Variants in CTNNA3 observed in about 807,000 individuals in gnomAD.
CTNNA3 encodes catenin alpha-3.
A neutral mutation model predicts 95.7 loss-of-function variants in CTNNA3; 76 were observed. The observed-to-expected ratio is 0.79, with a 90% CI of 0.66 to 0.96. The LOEUF (loss-of-function observed/expected upper bound fraction) is 0.96, where lower values mean the gene tolerates loss of function less well. Ranked by LOEUF, CTNNA3 falls within the 40% of genes least tolerant of loss-of-function variation. The pLI, the probability that CTNNA3 is intolerant of heterozygous loss-of-function variation, is 0.00. For synonymous variants in CTNNA3, 431 were observed against 374.4 expected (o/e 1.15, Z -1.74); for missense variants, 1,191 against 1,089.8 (o/e 1.09, Z -1.31).
intron 11 of CTNNA3, among the ~76,000 whole-genome samples, chr10:66,435,286 T>A (rs1321177752): frequency 6.6e-6 from 1 of 152,176 alleles, no homozygotes; most frequent in East Asian, 1.9e-4. Context: ...TGGGCTTTTT[T>A]TTGGTTGGTA....
At chr10:66,374,459 A>G (rs376249445) in intron 12 of CTNNA3, among the ~76,000 whole-genome samples, 1 of 152,266 alleles carries the variant, frequency 6.6e-6, no homozygotes, top group East Asian at 1.9e-4. Flanking sequence ...TAGAAGCTCA[A>G]TTCAAGAGAT....
chr10:66,928,586 C>A, intron 7 of CTNNA3: 1 of 772,614 alleles, frequency 1.3e-6, no homozygotes. Context: ...CTGGCAAGAT[C>A]CTTCCTTGTC....
intron 14 of CTNNA3, among the ~76,000 whole-genome samples, chr10:66,072,123 A>C (rs2080449806): frequency 6.6e-6 from 1 of 152,212 alleles, no homozygotes; most frequent in Admixed American, 6.6e-5. Flanking sequence ...TCTCTGTTCC[A>C]ATAACACCTT....
chr10:67,647,632 C>A, intron 1 of CTNNA3, 114 bp from the exon 2 acceptor site: 2 of 734,194 alleles, frequency 2.7e-6, no homozygotes, highest in South Asian at 1.8e-5. Flanking sequence ...TTCCTGATAT[C>A]AACCATAGCC....
Position 67,133,312 on chromosome 10 carries a change from T to TATATATATACAATAAA in CTNNA3, c.1047+47004_1047+47005insTTTATTGTATATATAT, listed in dbSNP as rs1350511471. Among the ~76,000 whole-genome samples the TATATATATACAATAAA allele has an allele frequency of 1.3e-4, 11 of 87,008 alleles. 1 individual carries two copies. Among genetic ancestry groups the TATATATATACAATAAA allele is most frequent in the African/African-American group, 6.9e-4 (11 of 15,878 alleles). 57.1% of individuals were successfully genotyped at this position (87,008 alleles called of 152,430 possible). On this transcript the variant is annotated intron_variant, in intron 7 of 17. Transcript: ENST00000433211. ...TAGCTAGAGCATATTGCCTGATATA[T>TATATATATACAATAAA]ATATATATATATTTATACACACACA...
At chr10:66,183,263 A>T (rs1487011746) in intron 13 of CTNNA3, among the ~76,000 whole-genome samples, 2 of 152,216 alleles carry the variant, frequency 1.3e-5, no homozygotes, top group Admixed American at 1.3e-4. Flanking sequence ...TTCAGTGGAC[A>T]CACCATGCCC....
chr10:67,582,703 T>C (rs1267676847), intron 3 of CTNNA3, among the ~76,000 whole-genome samples: 1 of 151,908 alleles, frequency 6.6e-6, no homozygotes, highest in Non-Finnish European at 1.5e-5. Context: ...TAAGTCTCTT[T>C]GTAGGTCTCT....
At chr10:67,597,826 G>C (rs1358704200) in intron 3 of CTNNA3, among the ~76,000 whole-genome samples, 3 of 152,176 alleles carry the variant, frequency 2.0e-5, no homozygotes, top group African/African-American at 7.2e-5. Flanking sequence ...TATAGGAAGA[G>C]GCTGCAGGTG....
intron 12 of CTNNA3, among the ~76,000 whole-genome samples, chr10:66,342,530 T>C (rs973274902): frequency 1.3e-5 from 2 of 152,088 alleles, no homozygotes; most frequent in Admixed American, 1.3e-4. Flanking sequence ...ATCTTCTACA[T>C]AGTCAATAAG....
chr10:66,346,246 T>TAGAGAGAGAGAG (rs371257440), intron 12 of CTNNA3, among the ~76,000 whole-genome samples: 5 of 27,782 alleles, frequency 1.8e-4, no homozygotes, highest in Non-Finnish European at 3.0e-4. Context: ...TATATATATA[T>TAGAGAGAGAGAG]AGAGAGAGAG....
rs201632419 is a variant in CTNNA3 at position 66,276,823 on chromosome 10, A to ATTGT, written c.1884+3643_1884+3646dup. Among the ~76,000 whole-genome samples, 862 of 147,338 alleles carry ATTGT rather than the reference A, an allele frequency of 5.9e-3. 10 individuals carry two copies. The highest frequency in any genetic ancestry group is 0.021 in the African/African-American group (832 of 39,792). On this transcript the variant is annotated intron_variant, in intron 13 of 17. Coordinates refer to ENST00000433211, the MANE Select transcript of CTNNA3 (RefSeq NM_013266.4). ...AGTAGCTATCTTCTTATTATAGCCT[A>ATTGT]TTGTTTATTAAGCATTTCATTTCTA...
intron 11 of CTNNA3, among the ~76,000 whole-genome samples, chr10:66,481,513 C>T (rs1163197495): frequency 3.4e-5 from 4 of 118,552 alleles, no homozygotes; most frequent in Non-Finnish European, 6.3e-5. Flanking sequence ...GCTCTGTCGC[C>T]CAGGCTGGAC....
rs544157939 is a variant in CTNNA3, at chr10:67,432,826, G to A, written c.579+89016C>T. ...GGGTCACCATTCAGCCCATGACAAC[G>A]ATCATGAGAGATATAGTTTTTCTTT... On this transcript the variant is annotated intron_variant, in intron 5 of 17. Coordinates refer to ENST00000433211, the MANE Select transcript of CTNNA3 (RefSeq NM_013266.4). Among the ~76,000 whole-genome samples the A allele has an allele frequency of 1.2e-4, 19 of 152,082 alleles. No individual in the cohort carries two copies. The South Asian group carries it at 3.5e-3, about 28-fold the overall frequency.
intron 7 of CTNNA3, among the ~76,000 whole-genome samples, chr10:66,885,504 C>G (rs752638808): frequency 3.3e-5 from 5 of 152,090 alleles, no homozygotes; most frequent in Non-Finnish European, 7.4e-5. Context: ...TGTCCAGATT[C>G]AGAACTCAAG....
chr10:67,194,664 G>A (rs1419327206), intron 6 of CTNNA3, among the ~76,000 whole-genome samples: 1 of 151,824 alleles, frequency 6.6e-6, no homozygotes, highest in African/African-American at 2.4e-5. Context: ...ATTTTTCCAA[G>A]CCCACAGAAC....
At chr10:66,545,497 G>A (rs545342135) in intron 10 of CTNNA3, among the ~76,000 whole-genome samples, 1 of 152,122 alleles carries the variant, frequency 6.6e-6, no homozygotes, top group Non-Finnish European at 1.5e-5. Flanking sequence ...AATTAATGCT[G>A]CTATTAATAT....
chr10:66,441,919 T>G (rs2093377995), intron 11 of CTNNA3, among the ~76,000 whole-genome samples: 1 of 152,212 alleles, frequency 6.6e-6, no homozygotes, highest in Non-Finnish European at 1.5e-5. Context: ...CAGTGCTATC[T>G]AAAATAGAAA....
At chr10:65,971,334 G>C (rs965479054) in intron 16 of CTNNA3, among the ~76,000 whole-genome samples, 20 of 146,758 alleles carry the variant, frequency 1.4e-4, no homozygotes, top group African/African-American at 5.0e-4. Flanking sequence ...GAAAGAATTT[G>C]AGACCTAAAA....
rs775638559 is a variant in CTNNA3, at chr10:66,379,136, T to G, written c.1732+16A>C. 8.1e-6 allele frequency: 13 copies of G among 1,595,202 alleles called. No individual in the cohort carries two copies. In the Admixed American group the frequency reaches 2.2e-4, roughly 27 times the overall value. On this transcript the variant is annotated intron_variant, in intron 12 of 17. Coordinates refer to ENST00000433211, the MANE Select transcript of CTNNA3 (RefSeq NM_013266.4). The stretch of plus-strand genomic sequence containing the variant: ...AATAAGAGAAATTGTGCAGCTGTTA[T>G]TGGCAACTGACTTACCAGTACTTGT...
Sources: gnomAD v4.1 joint callset for allele counts (sites outside exome capture counted in the v4.1 genomes callset) on GRCh38, gnomAD v4.1.1 for gene constraint, MANE v1.5 for transcripts, NCBI Gene and HGNC (gene_info 2026-07-23, HGNC 2026-07-21) for gene names.